Variants in RBFOX3 observed in about 807,000 individuals in gnomAD.
RBFOX3 encodes RNA binding protein fox-1 homolog 3.
RBFOX3 carries 17 observed loss-of-function variants against 48.7 expected under a neutral mutation model. The observed-to-expected ratio is 0.35, with a 90% CI of 0.24 to 0.52. The LOEUF (loss-of-function observed/expected upper bound fraction) is 0.52, where lower values mean the gene tolerates loss of function less well. Ranked by LOEUF, RBFOX3 falls within the 20% of genes least tolerant of loss-of-function variation. The pLI is 0.94. For synonymous variants in RBFOX3, 212 were observed against 209.5 expected (o/e 1.01, Z -0.10); for missense variants, 382 against 497.5 (o/e 0.77, Z 2.21).
At chr17:79,280,741 A>G (rs1025942871) in intron 3 of RBFOX3, among the ~76,000 whole-genome samples, 1 of 151,450 alleles carries the variant, frequency 6.6e-6, no homozygotes, top group Non-Finnish European at 1.5e-5. Flanking sequence ...GCTGAGCACA[A>G]TGAACCGAAG....
chr17:79,619,705 G>T, the RBFOX3 span, among the ~76,000 whole-genome samples: 1 of 152,084 alleles, frequency 6.6e-6, no homozygotes, highest in Non-Finnish European at 1.5e-5. Flanking sequence ...AGGCTCCGGG[G>T]CAGGTGGACT....
intron 1 of RBFOX3, among the ~76,000 whole-genome samples, chr17:79,605,631 G>A (rs1297163748): frequency 5.3e-5 from 8 of 152,230 alleles, no homozygotes; most frequent in African/African-American, 1.9e-4. Context: ...CAGCACAGCC[G>A]CTAACCAAAG....
chr17:79,093,144 G>A (rs2074313902), intron 14 of RBFOX3, among the ~76,000 whole-genome samples: 1 of 152,166 alleles, frequency 6.6e-6, no homozygotes, highest in Admixed American at 6.5e-5. Context: ...GCTCTCTGGG[G>A]GGGTCTCTGG....
At chr17:79,336,943 A>G (rs2081286978) in intron 2 of RBFOX3, among the ~76,000 whole-genome samples, 1 of 152,114 alleles carries the variant, frequency 6.6e-6, no homozygotes, top group Non-Finnish European at 1.5e-5. Flanking sequence ...AACATGGTGA[A>G]ACCCTGTCTC....
At chr17:79,656,817 G>GAA in the RBFOX3 span, among the ~76,000 whole-genome samples, 6 of 117,884 alleles carry the variant, frequency 5.1e-5, no homozygotes, top group Non-Finnish European at 9.8e-5. Context: ...AAAAGAAAGA[G>GAA]AAAGAAAGAA....
At chr17:79,325,362 C>T (rs1473794124) in intron 2 of RBFOX3, among the ~76,000 whole-genome samples, 2 of 152,136 alleles carry the variant, frequency 1.3e-5, no homozygotes, top group African/African-American at 4.8e-5. Flanking sequence ...GGACTTGGGT[C>T]ATCTCATTGA....
At chr17:79,130,304 G>T (rs1263406867) in intron 4 of RBFOX3, among the ~76,000 whole-genome samples, 1 of 152,156 alleles carries the variant, frequency 6.6e-6, no homozygotes, top group African/African-American at 2.4e-5. Context: ...TCAAGAGCCT[G>T]CCCCCGCCCC....
Position 79,090,824 on chromosome 17 carries a change from ATTTT to A in RBFOX3, c.*55_*58del, listed in dbSNP as rs745889715. ...CTTTTTTTGTTTTTTTTGTTTTGTG[ATTTT>A]TTTTGTTTTTTTGTTTTTGCCCTTC... On this transcript the variant is annotated 3_prime_UTR_variant, in exon 15 of 15. Coordinates refer to ENST00000693108, the MANE Select transcript of RBFOX3 (RefSeq NM_001350451.2). The A allele has an allele frequency of 2.8e-6, 4 of 1,437,850 alleles. No homozygotes were observed. Among genetic ancestry groups the A allele is most frequent in the African/African-American group, 1.5e-5 (1 of 66,050 alleles). The allele number at this position is 1,437,850 out of a possible 1,614,324, so 89.1% of individuals were successfully genotyped here. A position where few individuals can be genotyped will look rare whatever the true frequency, so the allele number is the denominator to read the frequency against.
chr17:79,343,051 T>C (rs907915), intron 2 of RBFOX3, among the ~76,000 whole-genome samples: 17,797 of 152,164 alleles, frequency 0.12, 1,182 homozygotes, highest in East Asian at 0.21. Context: ...AGTTTTTCTT[T>C]CTTTCTCCCC....
At chr17:79,151,281 C>T (rs2044359220) in intron 4 of RBFOX3, among the ~76,000 whole-genome samples, 4 of 149,938 alleles carry the variant, frequency 2.7e-5, no homozygotes, top group South Asian at 4.3e-4. Context: ...AATCCAGTGC[C>T]GGGGCTGAAG....
chr17:79,463,371 G>C (rs111164267), intron 2 of RBFOX3, among the ~76,000 whole-genome samples: 15,089 of 32,872 alleles, frequency 0.46, 3,232 homozygotes, highest in Non-Finnish European at 0.52. Flanking sequence ...GCCACCGCCA[G>C]TGCCACCGCC....
At chr17:79,185,801 C>T (rs994870941) in intron 4 of RBFOX3, among the ~76,000 whole-genome samples, 9 of 152,214 alleles carry the variant, frequency 5.9e-5, no homozygotes, top group African/African-American at 1.7e-4. Context: ...CTTTTTGAGT[C>T]AACGCTACTG....
chr17:79,133,624 C>T, intron 4 of RBFOX3, among the ~76,000 whole-genome samples: 1 of 152,226 alleles, frequency 6.6e-6, no homozygotes, highest in East Asian at 1.9e-4. Context: ...TCAGTTCCTC[C>T]TCCATCCTTG....
chr17:79,544,891 G>A (rs373440740), intron 1 of RBFOX3, among the ~76,000 whole-genome samples: 10 of 143,214 alleles, frequency 7.0e-5, no homozygotes, highest in Non-Finnish European at 1.0e-4. Context: ...CTCAAACACC[G>A]CCACCCTCCC....
At chr17:79,544,659 A>C (rs2090152623) in intron 1 of RBFOX3, among the ~76,000 whole-genome samples, 1 of 151,946 alleles carries the variant, frequency 6.6e-6, no homozygotes, top group Non-Finnish European at 1.5e-5. Flanking sequence ...GGCTCCCTGC[A>C]GACACACCTG....
At chr17:79,125,023 G>A (rs1486582066) in intron 4 of RBFOX3, among the ~76,000 whole-genome samples, 1 of 152,236 alleles carries the variant, frequency 6.6e-6, no homozygotes, top group Non-Finnish European at 1.5e-5. Context: ...GTCGTCGCCA[G>A]TTCTGGGGTC....
chr17:79,339,554 G>A (rs2081731207), intron 2 of RBFOX3, among the ~76,000 whole-genome samples: 1 of 152,212 alleles, frequency 6.6e-6, no homozygotes, highest in South Asian at 2.1e-4. Flanking sequence ...TTAAAACACA[G>A]ACTGCTGGGC....
intron 5 of RBFOX3, among the ~76,000 whole-genome samples, chr17:79,112,848 G>A (rs909977264): frequency 1.3e-5 from 2 of 150,506 alleles, no homozygotes; most frequent in African/African-American, 4.9e-5. Context: ...CTGGGTCCAG[G>A]GAGCGTCCAG....
At chr17:79,374,781 G>A (rs189871131) in intron 2 of RBFOX3, among the ~76,000 whole-genome samples, 13 of 152,354 alleles carry the variant, frequency 8.5e-5, no homozygotes, top group African/African-American at 2.6e-4. Context: ...GTTATTTTCT[G>A]GGAAAGATTT....
Sources: allele counts gnomAD v4.1 joint callset (sites outside exome capture counted in the v4.1 genomes callset), GRCh38; gene constraint gnomAD v4.1.1; transcripts MANE v1.5; gene names NCBI Gene and HGNC (gene_info 2026-07-23, HGNC 2026-07-21).